ITGBL1: variants seen among roughly 807,000 people sequenced by gnomAD.
ITGBL1 encodes the protein integrin beta-like protein 1.
A neutral mutation model predicts 68.5 loss-of-function variants in ITGBL1; 51 were observed. That is an observed-to-expected ratio of 0.74 (90% CI 0.59 to 0.94). ITGBL1 has a LOEUF of 0.94. Ranked by LOEUF, ITGBL1 falls within the 40% of genes least tolerant of loss-of-function variation. The pLI is 0.00. For missense variants in ITGBL1, 649 were observed against 647.4 expected (o/e 1.00, Z -0.03); for synonymous variants, 209 against 227.3 (o/e 0.92, Z 0.72).
At chr13:101,549,457 A>T (rs2049884183) in intron 2 of ITGBL1, among the ~76,000 whole-genome samples, 1 of 151,970 alleles carries the variant, frequency 6.6e-6, no homozygotes, top group Non-Finnish European at 1.5e-5. Context: ...ATTTTATGGA[A>T]AAATGCCATT....
chr13:101,663,799 GC>G (rs2033145584), intron 7 of ITGBL1, among the ~76,000 whole-genome samples: 1 of 152,000 alleles, frequency 6.6e-6, no homozygotes, highest in African/African-American at 2.4e-5. Context: ...AATAAACATT[GC>G]ACTAAAACTT....
intron 2 of ITGBL1, among the ~76,000 whole-genome samples, chr13:101,516,923 A>G (rs992564066): frequency 6.6e-5 from 10 of 152,162 alleles, no homozygotes; most frequent in Admixed American, 4.6e-4. Context: ...GTTTATTCCT[A>G]TCTAGCTTGT....
chr13:101,692,148 A>G lies in ITGBL1; in HGVS notation c.1016-437A>G, dbSNP rs140975697. Among the ~76,000 whole-genome samples the G allele has an allele frequency of 8.3e-4, 127 of 152,274 alleles. No individual in the cohort carries two copies. In the East Asian group the frequency reaches 0.021, roughly 25 times the overall value. ...ATAGCACATTGAAATATTACCTATG[A>G]CCACTTTTTTTTTCTCATGGAGCAG... On this transcript the variant is annotated intron_variant, in intron 7 of 10. Transcript: ENST00000376180.
chr13:101,662,671 T>A (rs2033117483), intron 7 of ITGBL1, among the ~76,000 whole-genome samples: 1 of 152,080 alleles, frequency 6.6e-6, no homozygotes, highest in Non-Finnish European at 1.5e-5. Flanking sequence ...AGTGGAATAT[T>A]TCCTCTTATC....
chr13:101,604,720 A>G (rs965675861), intron 7 of ITGBL1, among the ~76,000 whole-genome samples: 1 of 149,798 alleles, frequency 6.7e-6, no homozygotes, highest in East Asian at 2.0e-4. Context: ...CTGTGGTTAC[A>G]TGAGTTAGGA....
intron 6 of ITGBL1, among the ~76,000 whole-genome samples, chr13:101,584,491 G>A (rs1488751006): frequency 6.6e-6 from 1 of 152,134 alleles, no homozygotes; most frequent in African/African-American, 2.4e-5. Context: ...TCTCCTGAAA[G>A]TTTGCCAGCA....
At chr13:101,475,525 C>T (rs1375798805) in intron 2 of ITGBL1, among the ~76,000 whole-genome samples, 6 of 151,664 alleles carry the variant, frequency 4.0e-5, no homozygotes, top group Non-Finnish European at 7.4e-5. Context: ...AAGGGATAGC[C>T]GAGAAATTTC....
intron 6 of ITGBL1, among the ~76,000 whole-genome samples, chr13:101,597,393 T>C (rs1224322809): frequency 7.0e-6 from 1 of 142,578 alleles, no homozygotes; most frequent in Admixed American, 7.3e-5. Flanking sequence ...AAGGAGCGTT[T>C]ATATATTAAA....
chr13:101,705,309 AC>A lies in ITGBL1; in HGVS notation c.1133-1446del, dbSNP rs1160383742. Among the ~76,000 whole-genome samples, 86 of 140,002 alleles carry A rather than the reference AC, an allele frequency of 6.1e-4. 1 individual carries two copies. The highest frequency in any genetic ancestry group is 1.9e-3 in the African/African-American group (71 of 36,822). 91.8% of individuals were successfully genotyped at this position (140,002 alleles called of 152,430 possible). On this transcript the variant is annotated intron_variant, in intron 8 of 10. Transcript: ENST00000376180. ...TTAAAAAGCAAAAAAAAAAAAAAAA[AC>A]AACAACAACAAAAAAAAATAGTTTT...
intron 2 of ITGBL1, among the ~76,000 whole-genome samples, chr13:101,480,012 C>A (rs1115176): frequency 0.14 from 21,393 of 151,846 alleles, 1,948 homozygotes; most frequent in East Asian, 0.4. Flanking sequence ...AGATATCTGC[C>A]CTGTTATGTT....
chr13:101,602,018 C>T (rs2030415431), intron 7 of ITGBL1, among the ~76,000 whole-genome samples: 1 of 151,952 alleles, frequency 6.6e-6, no homozygotes, highest in Admixed American at 6.6e-5. Flanking sequence ...TTCTCTTTCT[C>T]TCTTTATATA....
intron 7 of ITGBL1, among the ~76,000 whole-genome samples, chr13:101,645,054 C>A (rs2139438678): frequency 6.6e-6 from 1 of 152,258 alleles, no homozygotes; most frequent in Non-Finnish European, 1.5e-5. Context: ...CCCTCCCAAT[C>A]AAATGGCAGT....
chr13:101,656,041 A>G (rs2032911133), intron 7 of ITGBL1, among the ~76,000 whole-genome samples: 1 of 152,082 alleles, frequency 6.6e-6, no homozygotes, highest in South Asian at 2.1e-4. Context: ...AGGTGGCACA[A>G]CTCAAAACGA....
chr13:101,718,495 G>GATTA (rs895298207), downstream of ITGBL1: 1 of 152,074 alleles, frequency 6.6e-6, no homozygotes, highest in African/African-American at 2.4e-5. Flanking sequence ...GTTGCAGTGG[G>GATTA]ATTAATGTCA....
rs540209034 is a variant in ITGBL1 at position 101,710,205 on chromosome 13, TAAAAG to T, written c.1279+3304_1279+3308del. Reference sequence around the variant, plus strand: ...TAGGGAGTTTGGGAGTCCTTAAACTTAAAAGGGAATATGAAAGCTGCCTCAAGGCT... The same window carrying T: ...TAGGGAGTTTGGGAGTCCTTAAACTTGGAATATGAAAGCTGCCTCAAGGCT... On this transcript the variant is annotated intron_variant, in intron 9 of 10. Coordinates refer to ENST00000376180, the MANE Select transcript of ITGBL1 (RefSeq NM_004791.3). Among the ~76,000 whole-genome samples the T allele has an allele frequency of 2.5e-4, 38 of 152,282 alleles. No homozygotes were observed. In the South Asian group the frequency reaches 3.1e-3, roughly 12 times the overall value.
chr13:101,704,484 TAAAAA>T (rs57687698), intron 8 of ITGBL1, among the ~76,000 whole-genome samples: 3 of 105,350 alleles, frequency 2.8e-5, no homozygotes, highest in South Asian at 3.9e-4. Context: ...ATTCATTCAG[TAAAAA>T]AAAAAAAAAA....
rs1385504951 is a variant in ITGBL1 at position 101,615,729 on chromosome 13, C to A, written c.1015+17430C>A. ...TCTTGAGCCCAAGAGTTTGAAGCTGCAGTGAGCCATGATGGCACCACTGCA... is the reference window on the plus strand; with the variant it reads ...TCTTGAGCCCAAGAGTTTGAAGCTGAAGTGAGCCATGATGGCACCACTGCA... On this transcript the variant is annotated intron_variant, in intron 7 of 10. Coordinates refer to ENST00000376180, the MANE Select transcript of ITGBL1 (RefSeq NM_004791.3). Among the ~76,000 whole-genome samples the A allele has an allele frequency of 2.0e-5, 3 of 152,116 alleles. No individual in the cohort carries two copies. In the East Asian group the frequency reaches 5.8e-4, roughly 29 times the overall value.
intron 6 of ITGBL1, among the ~76,000 whole-genome samples, chr13:101,586,262 T>C (rs1419299091): frequency 2.0e-5 from 3 of 152,176 alleles, no homozygotes; most frequent in African/African-American, 7.2e-5. Flanking sequence ...ACAGTGGGTA[T>C]GGACAGGTAG....
chr13:101,455,923 G>T (rs1417228618), intron 2 of ITGBL1, among the ~76,000 whole-genome samples: 1 of 152,126 alleles, frequency 6.6e-6, no homozygotes, highest in Non-Finnish European at 1.5e-5. Context: ...TAAGAGGTAA[G>T]ATGCAGCCTT....
Sources: allele counts gnomAD v4.1 joint callset (sites outside exome capture counted in the v4.1 genomes callset), GRCh38; gene constraint gnomAD v4.1.1; transcripts MANE v1.5; gene names NCBI Gene and HGNC (gene_info 2026-07-23, HGNC 2026-07-21).